The following DNAH10 variants were observed in gnomAD, a reference collection of about 807,000 sequenced individuals.
The protein encoded by DNAH10 is axonemal beta dynein heavy chain 10.
In DNAH10, 348 loss-of-function variants were observed where a neutral mutation model predicts 506.6. The ratio of observed to expected loss-of-function variants is 0.69; its 90% CI spans 0.63 to 0.75. The LOEUF (loss-of-function observed/expected upper bound fraction) is 0.75. Ranked by LOEUF, DNAH10 falls within the 30% of genes least tolerant of loss-of-function variation. The pLI, the probability that DNAH10 is intolerant of heterozygous loss-of-function variation, is 0.00. For missense variants in DNAH10, 5,179 were observed against 5,787.1 expected, an observed-to-expected ratio of 0.89 and a Z score of 3.41; for synonymous variants, 2,059 against 2,198.6, an observed-to-expected ratio of 0.94 and a Z score of 1.78.
At position 123,785,987 on chromosome 12, in the gene DNAH10, C is replaced by G; in HGVS notation, c.1421+51C>G. On this transcript the variant is annotated intron_variant, in intron 9 of 78. Coordinates refer to ENST00000673944, the MANE Select transcript of DNAH10 (RefSeq NM_001372106.1). The surrounding 1 kb of genome is among the most constrained non-coding windows in gnomAD (Gnocchi z 4.1). Reference sequence around the variant, plus strand: ...TTGTTTTGTTTTGTTTCACTTTTTACTTTTTAGATCTTAAACAGCTCTATT... The same window carrying G: ...TTGTTTTGTTTTGTTTCACTTTTTAGTTTTTAGATCTTAAACAGCTCTATT... 6.4e-7 allele frequency: 1 copy of G among 1,555,488 alleles called. No individual in the cohort carries two copies. The highest frequency in any genetic ancestry group is 8.7e-7 in the Non-Finnish European group (1 of 1,143,348).
chr12:123,859,249 C>G lies in DNAH10; in HGVS notation c.6730C>G (p.Leu2244Val). 6.2e-7 allele frequency: 1 copy of G among 1,608,392 alleles called. No individual in the cohort carries two copies. Among genetic ancestry groups the G allele is most frequent in the Non-Finnish European group, 8.5e-7 (1 of 1,178,018 alleles). Residue 2244 changes from leucine to valine, a missense_variant, in exon 38 of 79, where the codon CTG becomes GTG. Physicochemically the swap from Leu to Val is conservative, Grantham distance 32. Coordinates refer to ENST00000673944, the MANE Select transcript of DNAH10 (RefSeq NM_001372106.1). Reference sequence around the variant, plus strand: ...GGGCAAGTCCGTCGTCATTAACACTCTGTGTCAGGCCCAGACCAAGTGAGT... The same window carrying G: ...GGGCAAGTCCGTCGTCATTAACACTGTGTGTCAGGCCCAGACCAAGTGAGT... ...RGGKSVVINTLCQAQTKLGLT... is the reference protein window; with the variant it reads ...RGGKSVVINTVCQAQTKLGLT...
rs1425893014 is a variant in DNAH10, at chr12:123,772,818, G to T, written c.397-16G>T. The T allele has an allele frequency of 6.4e-7, 1 of 1,574,330 alleles. No individual in the cohort carries two copies. Among genetic ancestry groups the T allele is most frequent in the South Asian group, 1.2e-5 (1 of 86,030 alleles). On this transcript the variant is annotated splice_polypyrimidine_tract_variant and intron_variant, in intron 3 of 78. Coordinates refer to ENST00000673944, the MANE Select transcript of DNAH10 (RefSeq NM_001372106.1). ...TGTATCACAAGAATGAATGGTTTTTGTTCCCCATGTTTCAGAGAACTGCGA... is the reference window on the plus strand; with the variant it reads ...TGTATCACAAGAATGAATGGTTTTTTTTCCCCATGTTTCAGAGAACTGCGA...
intron 19 of DNAH10, 58 bp from the exon 20 acceptor site, chr12:123,813,106 G>T: frequency 5.2e-6 from 7 of 1,337,000 alleles, no homozygotes; most frequent in Non-Finnish European, 7.3e-6. Flanking sequence ...TAATATGTAC[G>T]TTGGAGGCAA....
chr12:123,809,558 A>G (rs925446996), intron 19 of DNAH10, among the ~76,000 whole-genome samples: 2 of 152,060 alleles, frequency 1.3e-5, no homozygotes, highest in South Asian at 4.1e-4. Flanking sequence ...GCTGAGGCAG[A>G]GGATTGCTTG....
chr12:123,766,968 T>C (rs1402239323), intron 1 of DNAH10, among the ~76,000 whole-genome samples: 1 of 150,282 alleles, frequency 6.7e-6, no homozygotes, highest in Non-Finnish European at 1.5e-5. Flanking sequence ...TGCAGTGGTG[T>C]GATCTCGGCT....
rs541515585 is a variant in DNAH10 at position 123,820,808 on chromosome 12, A to G, written c.4179+50A>G. On this transcript the variant is annotated intron_variant, in intron 24 of 78. Coordinates refer to ENST00000673944, the MANE Select transcript of DNAH10 (RefSeq NM_001372106.1). ...GACTCAGGCTCACTGAAGGGGATGT[A>G]GGAATTACTTAAGCCCTGCAGACTT... 31 of 1,593,610 alleles carry G rather than the reference A, an allele frequency of 1.9e-5. No homozygotes were observed. In the African/African-American group the frequency reaches 3.6e-4, roughly 19 times the overall value.
At chr12:123,866,260 T>TTTTTTGG in intron 41 of DNAH10, among the ~76,000 whole-genome samples, 187 bp downstream of exon 41, 1 of 139,962 alleles carries the variant, frequency 7.1e-6, no homozygotes, top group Non-Finnish European at 1.5e-5. Flanking sequence ...TTTTTTTTTT[T>TTTTTTGG]GGAGACGGAG....
At chr12:123,838,250 G>C (rs1209901282) in intron 28 of DNAH10, among the ~76,000 whole-genome samples, 1 of 152,198 alleles carries the variant, frequency 6.6e-6, no homozygotes, top group Non-Finnish European at 1.5e-5. Flanking sequence ...AAACCAGTTA[G>C]TTACATGTAG....
At chr12:123,881,576 A>G in intron 50 of DNAH10, 49 bp from the exon 51 acceptor site, 2 of 1,492,992 alleles carry the variant, frequency 1.3e-6, no homozygotes, top group East Asian at 2.6e-5. Flanking sequence ...GGTAGATTGT[A>G]AAACCCACCA....
In DNAH10 at chr12:123,782,418, T is replaced by C. The variant is rs1230485582; in HGVS notation, c.842-689T>C. Among the ~76,000 whole-genome samples the C allele has an allele frequency of 2.2e-5, 3 of 137,688 alleles. No homozygotes were observed. The South Asian group carries it at 7.2e-4, about 33-fold the overall frequency. The allele number at this position is 137,688 out of a possible 152,430, so 90.3% of individuals were successfully genotyped here. A position where few individuals can be genotyped will look rare whatever the true frequency, so the allele number is the denominator to read the frequency against. ...TCCTTTCTTTCTTTCTTTCTTTTTT[T>C]TTTTTTTTTTTGACAAGGTCTCACT... is the stretch of plus-strand genomic sequence containing the variant. On this transcript the variant is annotated intron_variant, in intron 6 of 78. Coordinates refer to ENST00000673944, the MANE Select transcript of DNAH10 (RefSeq NM_001372106.1).
chr12:123,928,363 C>CCCCCCGAGGCAGTTTAGGA lies in DNAH10; in HGVS notation c.12106-23_12106-22insCCCCGAGGCAGTTTAGGAC. The CCCCCCGAGGCAGTTTAGGA allele has an allele frequency of 6.4e-7, 1 of 1,562,836 alleles. No homozygotes were observed. Among genetic ancestry groups the CCCCCCGAGGCAGTTTAGGA allele is most frequent in the Non-Finnish European group, 8.7e-7 (1 of 1,154,512 alleles). On this transcript the variant is annotated intron_variant, in intron 69 of 78. Transcript: ENST00000673944. This position sits in a 1 kb window ranked among gnomAD's most constrained non-coding sequence, Gnocchi z 4.9. ...GTTGGGTTTGGATGCCAACCCCTCT[C>CCCCCCGAGGCAGTTTAGGA]CTCTTCCCTCTCCCCCGGCGCAGGT...
chr12:123,897,632 G>A, intron 54 of DNAH10, 138 bp from the exon 55 acceptor site: 1 of 833,202 alleles, frequency 1.2e-6, no homozygotes, highest in Non-Finnish European at 1.8e-6. Context: ...GGCTGAGGTG[G>A]GAGGATCACC....
Position 123,814,038 on chromosome 12 carries a change from T to G in DNAH10, c.3780+126T>G, listed in dbSNP as rs1162635452. On this transcript the variant is annotated intron_variant, in intron 21 of 78. Coordinates refer to ENST00000673944, the MANE Select transcript of DNAH10 (RefSeq NM_001372106.1). ...CAAATAAGTGACTTTAAGTAATACA[T>G]TGTAAATGTAAAGCAATGCCACTGT... The G allele has an allele frequency of 1.8e-5, 16 of 889,200 alleles. No individual in the cohort carries two copies. In the East Asian group the frequency reaches 2.0e-4, roughly 11 times the overall value. The allele number at this position is 889,200 out of a possible 1,614,324, so 55.1% of individuals were successfully genotyped here. A position where few individuals can be genotyped will look rare whatever the true frequency, so the allele number is the denominator to read the frequency against.
At chr12:123,858,209 T>G (rs1394519263) in intron 37 of DNAH10, among the ~76,000 whole-genome samples, 1 of 152,182 alleles carries the variant, frequency 6.6e-6, no homozygotes, top group African/African-American at 2.4e-5. Flanking sequence ...ATTGCAGGGA[T>G]AGGATTTGGA....
chr12:123,935,570 G>A lies in DNAH10; in HGVS notation c.*89G>A. ...GCTGTCATTTCTTGGGGCCTCTCAA[G>A]AGGCAGGAGGGGGACTGACACTGAT... On this transcript the variant is annotated 3_prime_UTR_variant, in exon 79 of 79. Coordinates refer to ENST00000673944, the MANE Select transcript of DNAH10 (RefSeq NM_001372106.1). The A allele has an allele frequency of 1.4e-6, 2 of 1,380,226 alleles. No individual in the cohort carries two copies. The highest frequency in any genetic ancestry group is 2.0e-6 in the Non-Finnish European group (2 of 1,017,826). The allele number at this position is 1,380,226 out of a possible 1,614,324, so 85.5% of individuals were successfully genotyped here. A position where few individuals can be genotyped will look rare whatever the true frequency, so the allele number is the denominator to read the frequency against.
intron 52 of DNAH10, among the ~76,000 whole-genome samples, chr12:123,890,238 C>A (rs1274140302): frequency 2.0e-5 from 3 of 152,024 alleles, no homozygotes; most frequent in Non-Finnish European, 4.4e-5. Flanking sequence ...ATGACGTAGT[C>A]CAGATTTATG....
chr12:123,924,609 A>T (rs1954858297), intron 67 of DNAH10, among the ~76,000 whole-genome samples, 177 bp downstream of exon 67: 2 of 152,124 alleles, frequency 1.3e-5, no homozygotes, highest in African/African-American at 4.8e-5. Flanking sequence ...AGCTAGTTGT[A>T]TGGGAGATCC....
chr12:123,931,448 C>G lies in DNAH10; in HGVS notation c.12892C>G (p.Leu4298Val), dbSNP rs1378921647. The G allele has an allele frequency of 6.8e-6, 11 of 1,613,890 alleles. 1 individual carries two copies. In the East Asian group the frequency reaches 2.5e-4, roughly 36 times the overall value. ...TQAARDMWAHLLELQPQTGES... is the reference protein window; with the variant it reads ...TQAARDMWAHVLELQPQTGES... ...GGCGGCTCGAGACATGTGGGCTCAC[C>G]TGCTGGAGCTGCAGCCTCAGACAGG... is the stretch of plus-strand genomic sequence containing the variant. The change falls in exon 74 of 79, where the codon CTG (leucine) becomes GTG (valine). Residue 4298 changes from leucine (L) to valine (V), a missense_variant. By Grantham distance (32) the Leu-to-Val change is conservative. Coordinates refer to ENST00000673944, the MANE Select transcript of DNAH10 (RefSeq NM_001372106.1).
intron 46 of DNAH10, 24 bp from the exon 47 acceptor site, chr12:123,875,207 T>C: frequency 6.3e-7 from 1 of 1,589,006 alleles, no homozygotes; most frequent in Non-Finnish European, 8.6e-7. Flanking sequence ...TACTGTTCTC[T>C]TTTCTTTTTT....
Sources: gnomAD v4.1 joint callset for allele counts (sites outside exome capture counted in the v4.1 genomes callset) on GRCh38, gnomAD v4.1.1 for gene constraint, Gnocchi (gnomAD v3.1) non-coding constraint, MANE v1.5 for transcripts, NCBI Gene and HGNC (gene_info 2026-07-23, HGNC 2026-07-21) for gene names.